TLE4: variants seen among roughly 807,000 people sequenced by gnomAD.
The protein encoded by TLE4 is TLE family member 4, transcriptional corepressor, also known as transducin-like enhancer protein 4.
Under a neutral mutation model 92.8 loss-of-function variants are expected in TLE4, and 8 were observed. That is an observed-to-expected ratio of 0.09 (90% CI 0.05 to 0.16). TLE4 has a LOEUF of 0.16. TLE4 is among the 10% of genes least tolerant of loss of function. TLE4 has a pLI of 1.00. For synonymous variants in TLE4, 371 were observed against 374.1 expected (o/e 0.99, Z 0.10); for missense variants, 675 against 997.6 (o/e 0.68, Z 4.36).
intron 4 of TLE4, among the ~76,000 whole-genome samples, chr9:79,599,342 C>T (rs1022235410): frequency 1.3e-5 from 2 of 152,144 alleles, no homozygotes; most frequent in African/African-American, 4.8e-5. Flanking sequence ...CCTGCCTGCA[C>T]ATTAGATTCA....
chr9:79,694,154 C>T (rs1046451773), intron 8 of TLE4, among the ~76,000 whole-genome samples: 1 of 151,770 alleles, frequency 6.6e-6, no homozygotes, highest in Non-Finnish European at 1.5e-5. Context: ...AAGAGAGAAG[C>T]GAATGGAAGG....
At position 79,651,031 on chromosome 9, in the gene TLE4, A is replaced by ATCTCTCTCTCTCTCTC. The variant is rs10580766; in HGVS notation, c.391-1540_391-1525dup. Among the ~76,000 whole-genome samples the ATCTCTCTCTCTCTCTC allele has an allele frequency of 1.7e-3, 240 of 138,816 alleles. 3 individuals carry two copies. The highest frequency in any genetic ancestry group is 0.011 in the Middle Eastern group (3 of 266). The allele number at this position is 138,816 out of a possible 152,430, so 91.1% of individuals were successfully genotyped here. On this transcript the variant is annotated intron_variant, in intron 6 of 19. Transcript: ENST00000376552. ...GAGATTTTTCTTGGTGGAATGATCG[A>ATCTCTCTCTCTCTCTC]TCTCTCTCTCTCTCTCTCTCTCTCT...
chr9:79,724,848 TTAAAAAAAAAAAAAAA>T (rs1369900658), intron 19 of TLE4, among the ~76,000 whole-genome samples, 173 bp from the exon 20 acceptor site: 40 of 22,854 alleles, frequency 1.8e-3, no homozygotes, highest in African/African-American at 2.1e-3. Flanking sequence ...CCCTGTCTTA[TTAAAAAAAAAAAAAAA>T]AAAAAAAAAA....
At position 79,726,420 on chromosome 9, in the gene TLE4, T is replaced by G. The variant is rs1316816337; in HGVS notation, c.*1276T>G. 1.3e-5 allele frequency: 2 copies of G among 152,756 alleles called. No homozygotes were observed. Among genetic ancestry groups the G allele is most frequent in the East Asian group, 3.9e-4 (2 of 5,192 alleles). The allele number at this position is 152,756 out of a possible 1,614,324, so 9.5% of individuals were successfully genotyped here. A position where few individuals can be genotyped will look rare whatever the true frequency, so the allele number is the denominator to read the frequency against. ...GTGCCTTTGCTGCTATGGATCAAAA[T>G]CAAAAGAACCGTGTAGATATACTTT... On this transcript the variant is annotated 3_prime_UTR_variant, in exon 20 of 20. Transcript: ENST00000376552.
chr9:79,722,298 A>G (rs1169236617), intron 17 of TLE4, among the ~76,000 whole-genome samples, 153 bp from the exon 18 acceptor site: 1 of 152,214 alleles, frequency 6.6e-6, no homozygotes, highest in Non-Finnish European at 1.5e-5. Flanking sequence ...TTACTTTGAA[A>G]TCGCCCATTT....
chr9:79,700,720 A>T (rs2069572528), intron 8 of TLE4, among the ~76,000 whole-genome samples: 1 of 152,132 alleles, frequency 6.6e-6, no homozygotes, highest in Admixed American at 6.6e-5. Context: ...ATATCCCAGC[A>T]TAAGTGTTTA....
intron 4 of TLE4, among the ~76,000 whole-genome samples, chr9:79,600,997 C>T (rs2807312): frequency 0.089 from 13,609 of 152,188 alleles, 753 homozygotes; most frequent in East Asian, 0.14. Flanking sequence ...ACAAGGTGCT[C>T]TCCTAGGGTG....
chr9:79,580,829 AC>A (rs1412640620), intron 4 of TLE4, among the ~76,000 whole-genome samples: 1 of 152,092 alleles, frequency 6.6e-6, no homozygotes, highest in Non-Finnish European at 1.5e-5. Flanking sequence ...GATTTTGCTG[AC>A]AGAACTTTAT....
At chr9:79,600,775 A>T (rs1338955272) in intron 4 of TLE4, among the ~76,000 whole-genome samples, 1 of 151,450 alleles carries the variant, frequency 6.6e-6, no homozygotes, top group Admixed American at 6.6e-5. Flanking sequence ...TGTTGTTTTG[A>T]GCAGGGTTAA....
intron 5 of TLE4, among the ~76,000 whole-genome samples, chr9:79,618,430 A>C (rs758961409): frequency 1.3e-5 from 2 of 152,220 alleles, no homozygotes; most frequent in Non-Finnish European, 2.9e-5. Flanking sequence ...TAGGGGATGG[A>C]AAAGAACCTA....
chr9:79,668,778 A>G, intron 8 of TLE4: 1 of 983,452 alleles, frequency 1.0e-6, no homozygotes, highest in Non-Finnish European at 1.2e-6. Context: ...AACGCTTTTA[A>G]TTTGCTTTAA....
chr9:79,572,907 G>A lies in TLE4; in HGVS notation c.45+72G>A, dbSNP rs1357643722. On this transcript the variant is annotated intron_variant, in intron 1 of 19. Transcript: ENST00000376552. Reference sequence around the variant, plus strand: ...CCCCGCGTCGCCCCCTGCGCACCGAGTTGTGTCTTTTGGCCGGAGGGGCGT... The same window carrying A: ...CCCCGCGTCGCCCCCTGCGCACCGAATTGTGTCTTTTGGCCGGAGGGGCGT... The A allele has an allele frequency of 4.6e-6, 7 of 1,520,216 alleles. No individual in the cohort carries two copies. The Admixed American group carries it at 7.6e-5, about 16-fold the overall frequency. The allele number at this position is 1,520,216 out of a possible 1,614,324, so 94.2% of individuals were successfully genotyped here.
chr9:79,622,387 T>C (rs1411183996), intron 5 of TLE4, among the ~76,000 whole-genome samples: 1 of 152,184 alleles, frequency 6.6e-6, no homozygotes, highest in African/African-American at 2.4e-5. Flanking sequence ...ATAAGGCCCC[T>C]ACCCAGTTCT....
intron 8 of TLE4, among the ~76,000 whole-genome samples, chr9:79,681,790 G>A (rs1381330102): frequency 1.3e-5 from 2 of 150,784 alleles, no homozygotes; most frequent in African/African-American, 2.5e-5. Flanking sequence ...GAGGAAGAGA[G>A]GGAGAGAGGG....
At chr9:79,680,952 C>G (rs1004979536) in intron 8 of TLE4, among the ~76,000 whole-genome samples, 18 of 152,038 alleles carry the variant, frequency 1.2e-4, no homozygotes, top group Non-Finnish European at 2.5e-4. Context: ...TTTGTTGAAC[C>G]AGCCTTGCAT....
chr9:79,654,187 G>A, intron 8 of TLE4, 112 bp downstream of exon 8: 2 of 1,052,112 alleles, frequency 1.9e-6, no homozygotes, highest in Non-Finnish European at 2.8e-6. Context: ...TTGGTTAGTA[G>A]TGGTTAACTG....
At chr9:79,678,631 T>A (rs929535957) in intron 8 of TLE4, among the ~76,000 whole-genome samples, 6 of 151,966 alleles carry the variant, frequency 3.9e-5, no homozygotes, top group Non-Finnish European at 7.4e-5. Context: ...TTTTTTTTAT[T>A]ATTATTATAC....
intron 4 of TLE4, among the ~76,000 whole-genome samples, chr9:79,611,334 A>G: frequency 6.6e-6 from 1 of 152,096 alleles, no homozygotes; most frequent in East Asian, 1.9e-4. Context: ...GTTTTTGTCC[A>G]TACTGTTAGG....
rs759950429 is a variant in TLE4, at chr9:79,723,047, CTTGTTAACTACCACTTATGT to C, written c.2214+18_2214+37del. The C allele has an allele frequency of 1.1e-5, 18 of 1,608,928 alleles. No homozygotes were observed. The highest frequency in any genetic ancestry group is 1.4e-5 in the Non-Finnish European group (16 of 1,175,518). ...CCAGTATATTCCAGGTAACATGGAA[CTTGTTAACTACCACTTATGT>C]TTGTTTAATCAAACTCTCTGTGCAT... On this transcript the variant is annotated intron_variant, in intron 19 of 19. Coordinates refer to ENST00000376552, the MANE Select transcript of TLE4 (RefSeq NM_007005.6).
Sources: gnomAD v4.1 joint callset for allele counts (sites outside exome capture counted in the v4.1 genomes callset) on GRCh38, gnomAD v4.1.1 for gene constraint, MANE v1.5 for transcripts, NCBI Gene and HGNC (gene_info 2026-07-23, HGNC 2026-07-21) for gene names.